KIDINS220: variants seen among roughly 807,000 people sequenced by gnomAD.
KIDINS220 encodes kinase D-interacting substrate of 220 kDa.
In KIDINS220, 63 loss-of-function variants were observed where a neutral mutation model predicts 157.6. The ratio of observed to expected loss-of-function variants is 0.40; its 90% confidence interval spans 0.33 to 0.49. The LOEUF is 0.49. KIDINS220 is among the 20% of genes least tolerant of loss of function. The probability of loss-of-function intolerance (pLI) is 0.66; values close to 1 mark genes in which losing one functional copy is unlikely to be tolerated. For synonymous variants in KIDINS220, 732 were observed against 783.6 expected, an observed-to-expected ratio of 0.93 and a Z score of 1.10; for missense variants, 1,772 against 2,171.2, an observed-to-expected ratio of 0.82 and a Z score of 3.65.
rs1007615568 is a variant in KIDINS220, at chr2:8,804,046, A to G, written c.604-919T>C. Among the ~76,000 whole-genome samples, 6 of 152,346 alleles carry G rather than the reference A, an allele frequency of 3.9e-5. No homozygotes were observed. The East Asian group carries it at 7.7e-4, about 20-fold the overall frequency. ...GCCTTTTCAAATTCTTGAGCCATCA[A>G]TCATCACAGAAACAAGCCACTTGTT... On this transcript the variant is annotated intron_variant, in intron 7 of 29. Transcript: ENST00000256707.
At chr2:8,755,839 T>C (rs772966576) in intron 22 of KIDINS220, among the ~76,000 whole-genome samples, 30 of 152,262 alleles carry the variant, frequency 2.0e-4, no homozygotes, top group Non-Finnish European at 4.1e-4. Context: ...TTGCTCTATA[T>C]GTCCATCCTC....
Position 8,779,814 on chromosome 2 carries a change from C to G in KIDINS220, c.2230G>C (p.Val744Leu), listed in dbSNP as rs1476077868. 1 of 1,613,930 alleles carries G rather than the reference C, an allele frequency of 6.2e-7. No homozygotes were observed. Among genetic ancestry groups the G allele is most frequent in the Non-Finnish European group, 8.5e-7 (1 of 1,179,914 alleles). The change falls in exon 18 of 30, where the codon GTT becomes CTT. Residue 744 changes from valine (V) to leucine (L), a missense_variant and splice_region_variant. Coordinates refer to ENST00000256707, the MANE Select transcript of KIDINS220 (RefSeq NM_020738.4). Reference protein sequence around the residue: ...HKLKSEGFMKVLKCEVELMAR... With the variant: ...HKLKSEGFMKLLKCEVELMAR... ...ATCAATTCCACTTCACATTTAAGAA[C>G]CTGTATTGCAAAGGAAGGTATAGAA...
Position 8,817,668 on chromosome 2 carries a change from T to G in KIDINS220, c.256A>C (p.Ile86Leu). 1 of 1,608,578 alleles carries G rather than the reference T, an allele frequency of 6.2e-7. No homozygotes were observed. The highest frequency in any genetic ancestry group is 8.5e-7 in the Non-Finnish European group (1 of 1,176,962). ...ISASKEGHVH[I>L]VEELLKCGVN... ...CCACATTTCAGTAGTTCCTCTACGA[T>G]GTGCACATGCCCTTCTTTCGATGCA... The change falls in exon 4 of 30, where the codon ATC (isoleucine) becomes CTC (leucine). Residue 86 changes from isoleucine to leucine, a missense_variant. Ile to Leu is a conservative substitution (Grantham distance 5, BLOSUM62 2). Coordinates refer to ENST00000256707, the MANE Select transcript of KIDINS220 (RefSeq NM_020738.4).
At chr2:8,742,052 C>T (rs1282390315) in intron 26 of KIDINS220, among the ~76,000 whole-genome samples, 9 of 152,150 alleles carry the variant, frequency 5.9e-5, no homozygotes, top group Non-Finnish European at 1.3e-4. Context: ...TTGTCCACGT[C>T]TTCTCCTGAA....
chr2:8,726,806 C>T, downstream of KIDINS220: 3 of 578,332 alleles, frequency 5.2e-6, no homozygotes, highest in Non-Finnish European at 8.8e-6. Context: ...CCCACTGTCA[C>T]AGATGTGGTC....
At chr2:8,832,792 C>T (rs1029156075) in intron 1 of KIDINS220, among the ~76,000 whole-genome samples, 1 of 152,128 alleles carries the variant, frequency 6.6e-6, no homozygotes, top group Non-Finnish European at 1.5e-5. Context: ...ACGAAGCTGT[C>T]TAGTGGTCAA....
At chr2:8,819,060 T>C (rs1039421408) in intron 2 of KIDINS220, among the ~76,000 whole-genome samples, 1 of 152,206 alleles carries the variant, frequency 6.6e-6, no homozygotes, top group Non-Finnish European at 1.5e-5. Flanking sequence ...TAAGTAAATA[T>C]GAATAACACT....
chr2:8,792,616 A>C (rs1673357552), intron 12 of KIDINS220, among the ~76,000 whole-genome samples: 1 of 152,234 alleles, frequency 6.6e-6, no homozygotes, highest in South Asian at 2.1e-4. Context: ...AGCAAAGAGT[A>C]AGAGGCTGGA....
chr2:8,739,320 C>A (rs1334262876), intron 26 of KIDINS220, among the ~76,000 whole-genome samples: 1 of 152,104 alleles, frequency 6.6e-6, no homozygotes, highest in Non-Finnish European at 1.5e-5. Context: ...ACATTAAGAT[C>A]TTTGTAATTC....
At chr2:8,749,935 T>C (rs1667097758) in intron 24 of KIDINS220, among the ~76,000 whole-genome samples, 177 bp downstream of exon 24, 1 of 152,158 alleles carries the variant, frequency 6.6e-6, no homozygotes, top group Admixed American at 6.5e-5. Flanking sequence ...CTAGAACACA[T>C]TAAAATTCTA....
intron 4 of KIDINS220, among the ~76,000 whole-genome samples, chr2:8,813,838 C>A (rs980813014): frequency 1.3e-5 from 2 of 152,078 alleles, no homozygotes; most frequent in African/African-American, 2.4e-5. Context: ...GCAGGAGAAC[C>A]ACTTGAACCC....
chr2:8,768,385 G>C (rs1049750899), intron 22 of KIDINS220, among the ~76,000 whole-genome samples: 2 of 152,080 alleles, frequency 1.3e-5, no homozygotes, highest in African/African-American at 4.8e-5. Flanking sequence ...GTGGTTTACA[G>C]AGGGGTCTAT....
At chr2:8,752,935 A>G (rs1667559251) in intron 22 of KIDINS220, among the ~76,000 whole-genome samples, 1 of 152,170 alleles carries the variant, frequency 6.6e-6, no homozygotes, top group South Asian at 2.1e-4. Flanking sequence ...ACAATTCTGT[A>G]TCATGCAGAG....
chr2:8,805,510 A>G (rs1438001), intron 7 of KIDINS220, among the ~76,000 whole-genome samples: 144,234 of 152,236 alleles, frequency 0.95, 68,522 homozygotes, highest in Middle Eastern at 0.99. Context: ...ACAAAAGACT[A>G]TATTTCATCT....
At position 8,779,944 on chromosome 2, in the gene KIDINS220, T is replaced by G. The variant is rs966462593; in HGVS notation, c.2230-130A>C. ...CATTCAAAGTCCTTGCTGCCAGTTG[T>G]GCTTCCACTTAAAATAAGAGCGAGT... On this transcript the variant is annotated intron_variant, in intron 17 of 29. Coordinates refer to ENST00000256707, the MANE Select transcript of KIDINS220 (RefSeq NM_020738.4). 9 of 882,306 alleles carry G rather than the reference T, an allele frequency of 1.0e-5. No individual in the cohort carries two copies. The East Asian group carries it at 2.4e-4, about 23-fold the overall frequency. 54.7% of individuals were successfully genotyped at this position (882,306 alleles called of 1,614,324 possible). A position where few individuals can be genotyped will look rare whatever the true frequency, so the allele number is the denominator to read the frequency against.
chr2:8,785,046 T>C (rs970166557), intron 17 of KIDINS220, among the ~76,000 whole-genome samples: 1 of 152,120 alleles, frequency 6.6e-6, no homozygotes, highest in Non-Finnish European at 1.5e-5. Flanking sequence ...CTGTGATATA[T>C]CCAGACAATG....
At chr2:8,825,372 C>CAAAAAAGAAAAAGA (rs1553338375) in intron 2 of KIDINS220, among the ~76,000 whole-genome samples, 9 of 108,666 alleles carry the variant, frequency 8.3e-5, no homozygotes, top group African/African-American at 3.2e-4. Flanking sequence ...GACTCCGTCT[C>CAAAAAAGAAAAAGA]AAAAAAAAAA....
rs1400392982 is a variant in KIDINS220 at position 8,731,827 on chromosome 2, A to G, written c.4209T>C (p.Ser1403=). 2 of 1,614,184 alleles carry G rather than the reference A, an allele frequency of 1.2e-6. No individual in the cohort carries two copies. Among genetic ancestry groups the G allele is most frequent in the East Asian group, 2.2e-5 (1 of 44,886 alleles). ...QMSQLEGGPG[S]TTISGRSSPH... is the part of the protein sequence containing the mutation. ...GAGAAGATCTGCCACTAATGGTTGTAGACCCGGGGCCCCCTTCTAACTGGG... is the reference window on the plus strand; with the variant it reads ...GAGAAGATCTGCCACTAATGGTTGTGGACCCGGGGCCCCCTTCTAACTGGG... Residue 1403 remains serine, a synonymous_variant, in exon 30 of 30, where the codon TCT becomes TCC. Coordinates refer to ENST00000256707, the MANE Select transcript of KIDINS220 (RefSeq NM_020738.4). This position sits in a 1 kb window ranked among gnomAD's most constrained non-coding sequence, Gnocchi z 5.2.
Position 8,747,939 on chromosome 2 carries a change from A to T in KIDINS220, c.3476T>A (p.Ile1159Asn). Residue 1159 changes from isoleucine (I) to asparagine (N), a missense_variant, in exon 25 of 30, where the codon ATC becomes AAC. By Grantham distance (149) the Ile-to-Asn change is moderately radical (BLOSUM62 -3). Transcript: ENST00000256707. The part of the protein sequence containing the change: ...RYYPGGSQHL[I>N]SRPSVKTSLP... ...ACTCGTTTTTACTGATGGACGTGAG[A>T]TGAGATGTTGGGAGCCGCCAGGGTA... The T allele has an allele frequency of 6.2e-7, 1 of 1,606,788 alleles. No homozygotes were observed. The highest frequency in any genetic ancestry group is 8.5e-7 in the Non-Finnish European group (1 of 1,177,122).
Sources: allele counts gnomAD v4.1 joint callset (sites outside exome capture counted in the v4.1 genomes callset), GRCh38; gene constraint gnomAD v4.1.1; non-coding constraint Gnocchi (gnomAD v3.1); transcripts MANE v1.5; gene names NCBI Gene and HGNC (gene_info 2026-07-23, HGNC 2026-07-21).